MAP4: variants seen among roughly 807,000 people sequenced by gnomAD.
MAP4 encodes the protein microtubule-associated protein 4.
MAP4 carries 76 observed loss-of-function variants against 170.2 expected under a neutral mutation model. The ratio of observed to expected loss-of-function variants is 0.45; its 90% CI spans 0.37 to 0.54. MAP4 has a LOEUF of 0.54. Ranked by LOEUF, MAP4 falls within the 20% of genes least tolerant of loss-of-function variation. MAP4 has a pLI of 0.00. For synonymous variants in MAP4, 909 were observed against 994.5 expected (o/e 0.91, Z 1.62); for missense variants, 2,506 against 2,748.0 (o/e 0.91, Z 1.97).
intron 1 of MAP4, among the ~76,000 whole-genome samples, chr3:48,043,724 A>C (rs575950859): frequency 6.6e-6 from 1 of 152,370 alleles, no homozygotes; most frequent in South Asian, 2.1e-4. Context: ...AACTTTCCAC[A>C]GTTTACAAAC....
chr3:47,987,936 T>C (rs1322600382), intron 2 of MAP4, among the ~76,000 whole-genome samples: 1 of 152,178 alleles, frequency 6.6e-6, no homozygotes, highest in Non-Finnish European at 1.5e-5. Context: ...GGCTCACGCC[T>C]GTAATCCCAG....
upstream of MAP4, among the ~76,000 whole-genome samples, chr3:48,017,484 CTT>C (rs555856378): frequency 7.2e-5 from 10 of 138,516 alleles, no homozygotes; most frequent in South Asian, 2.3e-4. Context: ...TTTCTTTTTT[CTT>C]TTTTTTTTTT....
rs573045420 is a variant in MAP4, at chr3:47,953,043, GTCAA to G, written c.293-24697_293-24694del. The stretch of plus-strand genomic sequence containing the variant: ...TTTGACACTTTTGACAGAAAAACAG[GTCAA>G]TTAGTTCCTTGGGATCAAAAAGGGG... On this transcript the variant is annotated intron_variant, in intron 3 of 20. Coordinates refer to ENST00000683076, the MANE Select transcript of MAP4 (RefSeq NM_001385682.1). Among the ~76,000 whole-genome samples, 302 of 152,254 alleles carry G rather than the reference GTCAA, an allele frequency of 2.0e-3. 3 individuals carry two copies. The highest frequency in any genetic ancestry group is 6.7e-3 in the African/African-American group (279 of 41,552).
At chr3:48,069,323 T>C (rs2100139886) in intron 1 of MAP4, among the ~76,000 whole-genome samples, 1 of 152,138 alleles carries the variant, frequency 6.6e-6, no homozygotes, top group Non-Finnish European at 1.5e-5. Flanking sequence ...AGGTCACCCA[T>C]CCCAGTCACG....
At chr3:47,868,172 G>A (rs1339024888) in intron 16 of MAP4, among the ~76,000 whole-genome samples, 1 of 152,188 alleles carries the variant, frequency 6.6e-6, no homozygotes, top group East Asian at 1.9e-4. Context: ...CTGGAACTGA[G>A]AAACACCAAG....
chr3:47,915,014 G>A, intron 7 of MAP4, 75 bp from the exon 8 acceptor site: 1 of 1,584,370 alleles, frequency 6.3e-7, no homozygotes, highest in Non-Finnish European at 8.6e-7. Context: ...CCAGAAATTG[G>A]ATATGGGATT....
intron 3 of MAP4, among the ~76,000 whole-genome samples, chr3:47,967,514 T>C (rs962461249): frequency 1.3e-5 from 2 of 152,112 alleles, no homozygotes; most frequent in Admixed American, 6.5e-5. Flanking sequence ...TAGCTGGGCA[T>C]GGCGGCAGGC....
At chr3:47,929,488 A>T (rs1203628459) in intron 3 of MAP4, among the ~76,000 whole-genome samples, 1 of 152,110 alleles carries the variant, frequency 6.6e-6, no homozygotes, top group Non-Finnish European at 1.5e-5. Flanking sequence ...ATAATTCAAC[A>T]TAATTATATT....
intron 17 of MAP4, among the ~76,000 whole-genome samples, chr3:47,862,825 A>G (rs2070054595): frequency 6.6e-6 from 1 of 152,220 alleles, no homozygotes; most frequent in East Asian, 1.9e-4. Flanking sequence ...ACTGGCTTCA[A>G]AATACTTGGG....
Position 47,869,211 on chromosome 3 carries a change from C to G in MAP4, c.6408+3G>C. ...TGCAGAGGTGGGTCTAAATAAAACT[C>G]ACTTTCCCCGCAGGTTGTTTCTGTG... is the stretch of plus-strand genomic sequence containing the variant. On this transcript the variant is annotated splice_donor_region_variant and intron_variant, in intron 16 of 20. Transcript: ENST00000683076. 6.2e-7 allele frequency: 1 copy of G among 1,606,298 alleles called. No homozygotes were observed. The highest frequency in any genetic ancestry group is 8.5e-7 in the Non-Finnish European group (1 of 1,172,858).
At chr3:47,859,230 G>A (rs974809602) in intron 17 of MAP4, among the ~76,000 whole-genome samples, 2 of 152,182 alleles carry the variant, frequency 1.3e-5, no homozygotes, top group Non-Finnish European at 2.9e-5. Context: ...GCTGTCCTCT[G>A]GTAGGTACTG....
At chr3:47,892,193 G>C in intron 10 of MAP4, 1 of 1,536,326 alleles carries the variant, frequency 6.5e-7, no homozygotes, top group Non-Finnish European at 8.7e-7. Flanking sequence ...GTGACCTGAG[G>C]CTTCTTGACA....
At chr3:47,953,197 T>C (rs1187459508) in intron 3 of MAP4, among the ~76,000 whole-genome samples, 1 of 151,942 alleles carries the variant, frequency 6.6e-6, no homozygotes, top group African/African-American at 2.4e-5. Context: ...AATTCATGCT[T>C]CAATAAACAG....
chr3:48,062,743 AG>A (rs941851888), intron 1 of MAP4, among the ~76,000 whole-genome samples: 2 of 151,550 alleles, frequency 1.3e-5, no homozygotes, highest in Non-Finnish European at 2.9e-5. Context: ...ACCAACATGA[AG>A]AAACCCCATC....
At chr3:48,076,325 T>C (rs2100143856) in intron 1 of MAP4, among the ~76,000 whole-genome samples, 1 of 150,012 alleles carries the variant, frequency 6.7e-6, no homozygotes, top group Non-Finnish European at 1.5e-5. Flanking sequence ...TGAAACTTCA[T>C]CTCTACTAAA....
intron 2 of MAP4, among the ~76,000 whole-genome samples, chr3:47,982,937 G>A (rs1006512427): frequency 6.6e-6 from 1 of 152,102 alleles, no homozygotes; most frequent in Non-Finnish European, 1.5e-5. Flanking sequence ...TAGCTCTATC[G>A]CCAAGACTGG....
intron 5 of MAP4, among the ~76,000 whole-genome samples, chr3:47,920,731 T>G (rs1203862631): frequency 6.6e-6 from 1 of 152,050 alleles, no homozygotes; most frequent in Non-Finnish European, 1.5e-5. Flanking sequence ...TTTAAAATTT[T>G]TTGTAGGACA....
At chr3:47,941,633 A>AC (rs2100056520) in intron 3 of MAP4, among the ~76,000 whole-genome samples, 3 of 151,426 alleles carry the variant, frequency 2.0e-5, no homozygotes, top group African/African-American at 7.3e-5. Flanking sequence ...AAAACAAAAA[A>AC]AAAAAAAACT....
At position 47,977,910 on chromosome 3, in the gene MAP4, G is replaced by C. The variant is rs1191885725; in HGVS notation, c.247C>G (p.Leu83Val). 6.2e-7 allele frequency: 1 copy of C among 1,612,762 alleles called. No individual in the cohort carries two copies. The highest frequency in any genetic ancestry group is 8.5e-7 in the Non-Finnish European group (1 of 1,178,972). ...ACTCCATGACCACCATTGGCTAGGA[G>C]TGTTGGTTTAGAAGATGGAGTATCT... is the stretch of plus-strand genomic sequence containing the variant. ...IEDTPSSKPT[L>V]LANGGHGVEG... Residue 83 changes from leucine to valine, a missense_variant, in exon 3 of 21, where the codon CTC (leucine) becomes GTC (valine). Physicochemically the swap from Leu to Val is conservative, Grantham distance 32. This residue lies in a region of MAP4 where 2,008 missense variants were observed against 2,206.0 expected (regional missense o/e 0.91). Transcript: ENST00000683076.
Sources: allele counts gnomAD v4.1 joint callset (sites outside exome capture counted in the v4.1 genomes callset), GRCh38; gene constraint gnomAD v4.1.1; regional missense constraint gnomAD v4.1.1; transcripts MANE v1.5; gene names NCBI Gene and HGNC (gene_info 2026-07-23, HGNC 2026-07-21).